BCAR3: variants seen among roughly 807,000 people sequenced by gnomAD.
The protein encoded by BCAR3 is BCAR3 adaptor protein, NSP family member, also known as breast cancer anti-estrogen resistance protein 3.
BCAR3 carries 37 observed loss-of-function variants against 80.1 expected under a neutral mutation model. That is an observed-to-expected ratio of 0.46 (90% CI 0.36 to 0.61). The LOEUF is 0.61. Among genes scored for constraint, BCAR3 ranks in the 20% least tolerant of loss-of-function variants. The pLI is 0.00. For missense variants in BCAR3, 978 were observed against 1,068.2 expected, an observed-to-expected ratio of 0.92 and a Z score of 1.18; for synonymous variants, 389 against 418.9, an observed-to-expected ratio of 0.93 and a Z score of 0.87.
At chr1:93,777,444 C>CTCCTCCTCCTCT (rs1281778253) in intron 2 of BCAR3, among the ~76,000 whole-genome samples, 1 of 144,664 alleles carries the variant, frequency 6.9e-6, no homozygotes, top group Non-Finnish European at 1.5e-5. Flanking sequence ...CCTCCTCTTC[C>CTCCTCCTCCTCT]TCCTCCTCCT....
At chr1:93,575,932 CCT>C (rs1432783959) in intron 8 of BCAR3, 80 bp downstream of exon 8, 12 of 1,226,464 alleles carry the variant, frequency 9.8e-6, no homozygotes, top group Admixed American at 5.5e-5. Flanking sequence ...TGGTGCTGCG[CCT>C]CTCTTTGTTC....
intron 4 of BCAR3, chr1:93,590,358 C>A (rs1040510162): frequency 6.6e-6 from 1 of 152,202 alleles, no homozygotes; most frequent in Non-Finnish European, 1.5e-5. Context: ...ACATAATCTC[C>A]TTGTGGCTCA....
At chr1:93,782,872 A>C (rs1046488824) in intron 2 of BCAR3, among the ~76,000 whole-genome samples, 1 of 152,246 alleles carries the variant, frequency 6.6e-6, no homozygotes, top group African/African-American at 2.4e-5. Flanking sequence ...AAGTGAGAGG[A>C]TAAGCCACAG....
chr1:93,734,385 T>C (rs569145667), intron 2 of BCAR3, among the ~76,000 whole-genome samples: 2 of 152,302 alleles, frequency 1.3e-5, no homozygotes, highest in Admixed American at 6.5e-5. Context: ...CATGGTGTGG[T>C]TGAACCTGAG....
intron 2 of BCAR3, among the ~76,000 whole-genome samples, chr1:93,745,695 G>A (rs1375125250): frequency 6.6e-6 from 1 of 152,282 alleles, no homozygotes; most frequent in Non-Finnish European, 1.5e-5. Flanking sequence ...TAGCAGGCAG[G>A]CAACCCTATC....
intron 1 of BCAR3, among the ~76,000 whole-genome samples, chr1:93,677,688 C>T (rs569285946): frequency 4.6e-5 from 7 of 152,106 alleles, no homozygotes; most frequent in South Asian, 2.1e-4. Context: ...GAAGGTGGTG[C>T]GATGCTGTAA....
At chr1:93,744,267 G>C (rs1466964018) in intron 2 of BCAR3, among the ~76,000 whole-genome samples, 1 of 152,152 alleles carries the variant, frequency 6.6e-6, no homozygotes, top group Non-Finnish European at 1.5e-5. Flanking sequence ...GCAGGGTTAG[G>C]CCCAGGTAAA....
At chr1:93,578,503 TAAGTGTCTGTGCATGTGCGTTGC>T (rs1673555126) in intron 7 of BCAR3, among the ~76,000 whole-genome samples, 1 of 152,046 alleles carries the variant, frequency 6.6e-6, no homozygotes, top group East Asian at 1.9e-4. Context: ...TTTTGACAAC[TAAGTGTCTGTGCATGTGCGTTGC>T]CTGCCGTCTG....
intron 2 of BCAR3, among the ~76,000 whole-genome samples, chr1:93,647,961 TGGGGA>T (rs1676197279): frequency 6.6e-6 from 1 of 151,986 alleles, no homozygotes. Flanking sequence ...TTAGTAGAGA[TGGGGA>T]TTTCACCATG....
intron 3 of BCAR3, among the ~76,000 whole-genome samples, chr1:93,698,937 G>A (rs1437254940): frequency 6.6e-6 from 1 of 152,226 alleles, no homozygotes; most frequent in East Asian, 1.9e-4. Flanking sequence ...CACAACACAA[G>A]GGAATCGTGC....
chr1:93,672,845 T>C (rs1046912698), intron 2 of BCAR3, among the ~76,000 whole-genome samples: 2 of 152,240 alleles, frequency 1.3e-5, no homozygotes, highest in African/African-American at 4.8e-5. Flanking sequence ...TATTTTCTTC[T>C]TGTACTACTG....
chr1:93,609,244 C>T (rs1674876127), intron 3 of BCAR3, among the ~76,000 whole-genome samples: 1 of 152,178 alleles, frequency 6.6e-6, no homozygotes, highest in Non-Finnish European at 1.5e-5. Flanking sequence ...CTACATAGCA[C>T]TTCCTGGCTG....
chr1:93,582,626 T>A lies in BCAR3; in HGVS notation c.1361A>T (p.His454Leu). ...CTGCTTGGCTGTGAGCAGTTCTGTG[T>A]GGCTTCCCTGGGCACATGAGGGTAG... Reference protein sequence around the residue: ...AKLPSCAQGSHTELLTAKQNE... With the variant: ...AKLPSCAQGSLTELLTAKQNE... Residue 454 changes from histidine (H) to leucine (L), a missense_variant, in exon 7 of 12, where the codon CAC becomes CTC. His to Leu is a moderately conservative substitution (Grantham distance 99). Transcript: ENST00000260502. 6.2e-7 allele frequency: 1 copy of A among 1,613,966 alleles called. No homozygotes were observed. The highest frequency in any genetic ancestry group is 1.3e-5 in the African/African-American group (1 of 74,990).
chr1:93,693,082 G>A (rs540330790), intron 3 of BCAR3, among the ~76,000 whole-genome samples: 3 of 152,218 alleles, frequency 2.0e-5, no homozygotes, highest in African/African-American at 4.8e-5. Context: ...CATAAATGCC[G>A]AATCTCAGCC....
rs116021212 is a variant in BCAR3 at position 93,672,605 on chromosome 1, C to T, written c.317+2009G>A. Reference sequence around the variant, plus strand: ...TCCTGCATTCTTGCCCCTTAAGTGCCAATTATGCGATGTTAACAATCCTGT... The same window carrying T: ...TCCTGCATTCTTGCCCCTTAAGTGCTAATTATGCGATGTTAACAATCCTGT... On this transcript the variant is annotated intron_variant, in intron 2 of 11. Coordinates refer to ENST00000260502, the MANE Select transcript of BCAR3 (RefSeq NM_003567.4). Among the ~76,000 whole-genome samples, 688 of 152,256 alleles carry T rather than the reference C, an allele frequency of 4.5e-3. 3 individuals are homozygous for T. The highest frequency in any genetic ancestry group is 8.2e-3 in the Non-Finnish European group (558 of 68,010).
chr1:93,725,101 C>G (rs1650534335), intron 2 of BCAR3, among the ~76,000 whole-genome samples: 1 of 152,226 alleles, frequency 6.6e-6, no homozygotes, highest in Non-Finnish European at 1.5e-5. Context: ...TCCCACTACA[C>G]TTCTACGTAG....
intron 2 of BCAR3, among the ~76,000 whole-genome samples, chr1:93,830,325 G>T (rs1024039667): frequency 1.3e-5 from 2 of 152,138 alleles, no homozygotes; most frequent in African/African-American, 4.8e-5. Flanking sequence ...GCTGGGCGTG[G>T]TGGCACACGT....
chr1:93,617,376 C>T (rs1675159651), intron 3 of BCAR3, among the ~76,000 whole-genome samples: 1 of 152,140 alleles, frequency 6.6e-6, no homozygotes, highest in African/African-American at 2.4e-5. Flanking sequence ...CTGCCCATAG[C>T]CCCAAACCCT....
intron 2 of BCAR3, among the ~76,000 whole-genome samples, chr1:93,643,545 CAAAAAAAA>C (rs547667389): frequency 0.024 from 532 of 22,264 alleles, 4 homozygotes; most frequent in African/African-American, 0.062. Flanking sequence ...GACTCTTTCT[CAAAAAAAA>C]AAAAAAAAAA....
Sources: allele counts gnomAD v4.1 joint callset (sites outside exome capture counted in the v4.1 genomes callset), GRCh38; gene constraint gnomAD v4.1.1; transcripts MANE v1.5; gene names NCBI Gene and HGNC (gene_info 2026-07-23, HGNC 2026-07-21).